Variants in KCNG3 observed in about 807,000 individuals in gnomAD.
KCNG3 encodes the protein voltage-gated potassium channel regulatory subunit KCNG3.
A neutral mutation model predicts 29.0 loss-of-function variants in KCNG3; 15 were observed. That is an observed-to-expected ratio of 0.52 (90% CI 0.35 to 0.80). KCNG3 has a LOEUF of 0.80. Ranked by LOEUF, KCNG3 falls within the 30% of genes least tolerant of loss-of-function variation. KCNG3 has a pLI of 0.01. For synonymous variants in KCNG3, 322 were observed against 248.9 expected (o/e 1.29, Z -2.76); for missense variants, 512 against 605.7 (o/e 0.85, Z 1.62).
At position 42,476,483 on chromosome 2, in the gene KCNG3, A is replaced by ATT. The variant is rs147655389; in HGVS notation, c.665+16352_665+16353dup. On this transcript the variant is annotated intron_variant, in intron 1 of 1. Transcript: ENST00000306078. ...CAGAGTGAGATCCTTCTCAATAAAA[A>ATT]TTTAAAAAAAAAAAAATTTTTGAGA... 9.7e-4 allele frequency among the ~76,000 whole-genome samples: 132 copies of ATT among 136,010 alleles called. 1 individual carries two copies. Among genetic ancestry groups the ATT allele is most frequent in the South Asian group, 4.7e-3 (19 of 4,010 alleles). 89.2% of individuals were successfully genotyped at this position (136,010 alleles called of 152,430 possible).
intron 1 of KCNG3, among the ~76,000 whole-genome samples, chr2:42,478,483 G>C (rs1445076254): frequency 6.6e-6 from 1 of 151,920 alleles, no homozygotes; most frequent in Non-Finnish European, 1.5e-5. Flanking sequence ...CTCCCACCTA[G>C]GCCTCCCAAA....
intron 1 of KCNG3, among the ~76,000 whole-genome samples, chr2:42,465,503 C>A (rs1372093067): frequency 6.6e-6 from 1 of 152,106 alleles, no homozygotes; most frequent in African/African-American, 2.4e-5. Context: ...AGGAGTGAGC[C>A]ATTGTCCTCA....
chr2:42,464,081 A>G lies in KCNG3; in HGVS notation c.666-19502T>C, dbSNP rs76190265. ...GCAGCGGGGGCTGCCTCAACAAATG[A>G]CATTTTGAAAAGCGAGGTAGTTCAT... is the stretch of plus-strand genomic sequence containing the variant. On this transcript the variant is annotated intron_variant, in intron 1 of 1. Transcript: ENST00000306078. The G allele has an allele frequency of 1.4e-3, 303 of 210,496 alleles. 1 individual carries two copies. Among genetic ancestry groups the G allele is most frequent in the African/African-American group, 6.8e-3 (284 of 42,000 alleles). 13.0% of individuals were successfully genotyped at this position (210,496 alleles called of 1,614,324 possible). A position where few individuals can be genotyped will look rare whatever the true frequency, so the allele number is the denominator to read the frequency against.
the KCNG3 span, among the ~76,000 whole-genome samples, chr2:42,416,777 C>T: frequency 1.8e-4 from 27 of 149,864 alleles, no homozygotes; most frequent in Admixed American, 1.5e-3. Flanking sequence ...GAGATTGCGC[C>T]ACTGCACTCC....
chr2:42,445,702 T>C (rs1402379511), intron 1 of KCNG3, among the ~76,000 whole-genome samples: 1 of 151,686 alleles, frequency 6.6e-6, no homozygotes, highest in East Asian at 1.9e-4. Flanking sequence ...ATCGCATTTA[T>C]ACAGCACACT....
intron 1 of KCNG3, among the ~76,000 whole-genome samples, chr2:42,452,769 G>GT (rs1672792660): frequency 2.6e-5 from 2 of 76,844 alleles, no homozygotes; most frequent in Non-Finnish European, 5.4e-5. Context: ...ACATTCAACT[G>GT]GGTGTGTGTG....
chr2:42,420,854 C>T, the KCNG3 span, among the ~76,000 whole-genome samples: 250 of 152,184 alleles, frequency 1.6e-3, 1 homozygote, highest in African/African-American at 5.8e-3. Context: ...ATCATTCTGA[C>T]CTCTCCAACA....
At chr2:42,486,337 C>T (rs1227951860) in intron 1 of KCNG3, among the ~76,000 whole-genome samples, 2 of 152,222 alleles carry the variant, frequency 1.3e-5, no homozygotes, top group Non-Finnish European at 1.5e-5. Context: ...CACTGCTATT[C>T]CCTAAGATCA....
intron 1 of KCNG3, among the ~76,000 whole-genome samples, chr2:42,466,262 C>T (rs1172064236): frequency 1.3e-5 from 2 of 152,028 alleles, no homozygotes; most frequent in African/African-American, 4.8e-5. Flanking sequence ...AAAAATTAGT[C>T]AGGCGTGGTG....
the KCNG3 span, chr2:42,413,738 T>G: frequency 2.6e-5 from 4 of 152,874 alleles, no homozygotes; most frequent in African/African-American, 7.2e-5. Context: ...CTTCTTCACA[T>G]GGCAGCAGCA....
chr2:42,421,534 G>C, the KCNG3 span, among the ~76,000 whole-genome samples: 2 of 151,882 alleles, frequency 1.3e-5, no homozygotes. Context: ...TTTTCTTAAT[G>C]AACAAGAGTT....
Position 42,493,667 on chromosome 2 carries a change from G to T in KCNG3, c.-166C>A. Reference sequence around the variant, plus strand: ...CCTCCGCTGGCCCGGGGGTCCCTGGGCTCGAGTATCTCCGGCGCTGCTAGT... The same window carrying T: ...CCTCCGCTGGCCCGGGGGTCCCTGGTCTCGAGTATCTCCGGCGCTGCTAGT... On this transcript the variant is annotated 5_prime_UTR_variant, in exon 1 of 2. Coordinates refer to ENST00000306078, the MANE Select transcript of KCNG3 (RefSeq NM_133329.6). 2 of 482,908 alleles carry T rather than the reference G, an allele frequency of 4.1e-6. No individual in the cohort carries two copies. The highest frequency in any genetic ancestry group is 6.4e-6 in the Non-Finnish European group (2 of 311,942). The allele number at this position is 482,908 out of a possible 1,614,324, so 29.9% of individuals were successfully genotyped here.
intron 1 of KCNG3, among the ~76,000 whole-genome samples, chr2:42,446,295 C>T (rs1288504656): frequency 6.6e-6 from 1 of 151,760 alleles, no homozygotes; most frequent in African/African-American, 2.4e-5. Context: ...TCGTGCCTCA[C>T]CCTCCCAAGT....
chr2:42,437,073 ATGTC>A (rs1257202425), downstream of KCNG3, among the ~76,000 whole-genome samples: 1 of 152,086 alleles, frequency 6.6e-6, no homozygotes, highest in East Asian at 1.9e-4. Context: ...TCCCATACGA[ATGTC>A]TGGAAACCTA....
intron 1 of KCNG3, among the ~76,000 whole-genome samples, chr2:42,474,721 A>G (rs1673380115): frequency 6.6e-6 from 1 of 152,114 alleles, no homozygotes; most frequent in Non-Finnish European, 1.5e-5. Context: ...CATTTGTCAA[A>G]TTTTATCAAA....
At chr2:42,427,647 T>C in the KCNG3 span, among the ~76,000 whole-genome samples, 17 of 152,032 alleles carry the variant, frequency 1.1e-4, no homozygotes, top group Non-Finnish European at 1.9e-4. Context: ...TGAACTATCA[T>C]TGTATAAAAA....
chr2:42,474,155 G>C (rs778029027), intron 1 of KCNG3, among the ~76,000 whole-genome samples: 15 of 151,496 alleles, frequency 9.9e-5, no homozygotes, highest in Non-Finnish European at 1.8e-4. Flanking sequence ...ATGCTATTTT[G>C]ACTTAGTGAC....
At chr2:42,410,705 AT>A in the KCNG3 span, among the ~76,000 whole-genome samples, 8 of 152,086 alleles carry the variant, frequency 5.3e-5, no homozygotes, top group South Asian at 2.1e-4. Flanking sequence ...TTTAAAAAAC[AT>A]TTTTTTAAGC....
At position 42,444,824 on chromosome 2, in the gene KCNG3, GGCT is replaced by G. The variant is rs1289367705; in HGVS notation, c.666-248_666-246del. The stretch of plus-strand genomic sequence containing the variant: ...TGCATGTAATCCCAGGTCTTTGGAA[GGCT>G]GAGGTGGGTGAATCGCTTGAGCCCA... On this transcript the variant is annotated intron_variant, in intron 1 of 1. Coordinates refer to ENST00000306078, the MANE Select transcript of KCNG3 (RefSeq NM_133329.6). This position sits in a 1 kb window ranked among gnomAD's most constrained non-coding sequence, Gnocchi z 5.8. Among the ~76,000 whole-genome samples, 1 of 151,974 alleles carries G rather than the reference GGCT, an allele frequency of 6.6e-6. No individual in the cohort carries two copies. The highest frequency in any genetic ancestry group is 2.4e-5 in the African/African-American group (1 of 41,378).
Sources: gnomAD v4.1 joint callset for allele counts (sites outside exome capture counted in the v4.1 genomes callset) on GRCh38, gnomAD v4.1.1 for gene constraint, Gnocchi (gnomAD v3.1) non-coding constraint, MANE v1.5 for transcripts, NCBI Gene and HGNC (gene_info 2026-07-23, HGNC 2026-07-21) for gene names.